KAZN: variants seen among roughly 807,000 people sequenced by gnomAD.
KAZN encodes the protein kazrin, periplakin interacting protein, also known as kazrin.
Under a neutral mutation model 87.4 loss-of-function variants are expected in KAZN, and 40 were observed. The observed-to-expected ratio is 0.46, with a 90% CI of 0.36 to 0.60. The LOEUF (loss-of-function observed/expected upper bound fraction) is 0.60. KAZN is among the 20% of genes least tolerant of loss of function. The pLI is 0.00. For missense variants in KAZN, 898 were observed against 1,073.9 expected (o/e 0.84, Z 2.29); for synonymous variants, 466 against 458.3 (o/e 1.02, Z -0.22).
At chr1:14,382,996 T>C (rs1488136149) in intron 2 of KAZN, among the ~76,000 whole-genome samples, 1 of 150,722 alleles carries the variant, frequency 6.6e-6, no homozygotes, top group Non-Finnish European at 1.5e-5. Context: ...TCCTGACTTT[T>C]TAATGATTGC....
chr1:13,893,898 C>T (rs1407710818), intron 1 of KAZN: 5 of 1,011,124 alleles, frequency 4.9e-6, no homozygotes, highest in Admixed American at 3.0e-5. Flanking sequence ...GGATGTAAGA[C>T]TTAACTAGCT....
chr1:14,456,756 TTA>T, intron 2 of KAZN, among the ~76,000 whole-genome samples: 1 of 152,274 alleles, frequency 6.6e-6, no homozygotes, highest in Non-Finnish European at 1.5e-5. Flanking sequence ...TTTCTTAAGG[TTA>T]TATGCCCACA....
chr1:14,122,659 G>C (rs1215229487), intron 1 of KAZN, among the ~76,000 whole-genome samples: 2 of 152,162 alleles, frequency 1.3e-5, no homozygotes, highest in Non-Finnish European at 2.9e-5. Flanking sequence ...TTATAAAGTA[G>C]CTAATTGCAC....
At chr1:14,391,031 G>A (rs1406817441) in intron 2 of KAZN, among the ~76,000 whole-genome samples, 1 of 152,240 alleles carries the variant, frequency 6.6e-6, no homozygotes, top group East Asian at 1.9e-4. Flanking sequence ...CAGCAGATGG[G>A]CAGGAACTGG....
chr1:13,922,210 A>G (rs537817935), intron 1 of KAZN, among the ~76,000 whole-genome samples: 1 of 152,172 alleles, frequency 6.6e-6, no homozygotes, highest in South Asian at 2.1e-4. Flanking sequence ...GGCTCTGTCT[A>G]TTCTTTACAG....
intron 2 of KAZN, among the ~76,000 whole-genome samples, chr1:14,972,689 A>G (rs1013312852): frequency 2.0e-5 from 3 of 151,748 alleles, no homozygotes; most frequent in African/African-American, 4.8e-5. Flanking sequence ...TAATTTTTGT[A>G]TTTTTAGTAG....
At chr1:14,825,315 T>C (rs1216351418) in intron 1 of KAZN, among the ~76,000 whole-genome samples, 1 of 152,208 alleles carries the variant, frequency 6.6e-6, no homozygotes, top group African/African-American at 2.4e-5. Context: ...CAGGCCAGCT[T>C]TTCTCATCTG....
chr1:14,032,893 G>A (rs1196752890), intron 1 of KAZN, among the ~76,000 whole-genome samples: 1 of 152,138 alleles, frequency 6.6e-6, no homozygotes. Flanking sequence ...CCTGATTGAG[G>A]CTGGAGAGGC....
At chr1:15,065,574 A>C in intron 7 of KAZN, 56 bp from the exon 8 acceptor site, 1 of 1,473,358 alleles carries the variant, frequency 6.8e-7, no homozygotes, top group Non-Finnish European at 9.3e-7. Context: ...CACCCCAGCT[A>C]AGCTTGGCTT....
chr1:14,937,599 TCTC>T (rs941354308), intron 1 of KAZN, among the ~76,000 whole-genome samples: 3 of 152,188 alleles, frequency 2.0e-5, no homozygotes, highest in African/African-American at 7.2e-5. Context: ...CTGAACACCT[TCTC>T]CTTCCCACCC....
intron 1 of KAZN, among the ~76,000 whole-genome samples, chr1:14,107,425 T>C (rs933739364): frequency 1.3e-5 from 2 of 152,132 alleles, no homozygotes; most frequent in African/African-American, 4.8e-5. Context: ...TCAAGATCCC[T>C]CTTTATTGCA....
intron 1 of KAZN, among the ~76,000 whole-genome samples, chr1:14,690,293 A>G (rs376106531): frequency 6.6e-6 from 1 of 152,218 alleles, no homozygotes; most frequent in Non-Finnish European, 1.5e-5. Flanking sequence ...GCAATCCCAC[A>G]TAACAGTGAA....
chr1:14,154,240 T>C lies in KAZN; in HGVS notation c.92-26195T>C, dbSNP rs187926384. On this transcript the variant is annotated intron_variant, in intron 1 of 16. Coordinates refer to the KAZN transcript ENST00000636203. ...ACTTTTTAAGTTAATTCCTAGGTATTTAATGTTCTTTGTTGCTATTATAAA... is the reference window on the plus strand; with the variant it reads ...ACTTTTTAAGTTAATTCCTAGGTATCTAATGTTCTTTGTTGCTATTATAAA... Among the ~76,000 whole-genome samples, 312 of 152,334 alleles carry C rather than the reference T, an allele frequency of 2.0e-3. 2 individuals are homozygous for C. Among genetic ancestry groups the C allele is most frequent in the African/African-American group, 7.0e-3 (292 of 41,590 alleles).
intron 2 of KAZN, among the ~76,000 whole-genome samples, chr1:15,014,358 G>C (rs981929345): frequency 6.6e-6 from 1 of 152,124 alleles, no homozygotes; most frequent in African/African-American, 2.4e-5. Flanking sequence ...ACCTTGCAGG[G>C]TGCTTCTAAG....
chr1:13,999,544 C>T (rs1340312392), intron 1 of KAZN, among the ~76,000 whole-genome samples: 1 of 152,102 alleles, frequency 6.6e-6, no homozygotes, highest in African/African-American at 2.4e-5. Flanking sequence ...ATCTCTGGGA[C>T]ACAGCTAAAG....
At chr1:13,901,738 T>A (rs1385513055) in intron 1 of KAZN, among the ~76,000 whole-genome samples, 1 of 152,254 alleles carries the variant, frequency 6.6e-6, no homozygotes, top group Admixed American at 6.5e-5. Context: ...TGCTCTTGTT[T>A]CAACCTTGTG....
chr1:14,842,755 A>G (rs1270752983), intron 1 of KAZN, among the ~76,000 whole-genome samples: 1 of 152,128 alleles, frequency 6.6e-6, no homozygotes. Flanking sequence ...TTATTTTTTA[A>G]TTTTTACTTT....
At chr1:13,945,704 T>TGAGA (rs1488989946) in intron 1 of KAZN, among the ~76,000 whole-genome samples, 1 of 139,686 alleles carries the variant, frequency 7.2e-6, no homozygotes, top group African/African-American at 2.7e-5. Context: ...TGTGTGTGTG[T>TGAGA]GTGTGTGAGA....
intron 1 of KAZN, among the ~76,000 whole-genome samples, chr1:14,051,658 G>A (rs1642334839): frequency 6.6e-6 from 1 of 152,000 alleles, no homozygotes; most frequent in East Asian, 1.9e-4. Context: ...TGGGCAACAT[G>A]GTGAAACCCT....
Sources: allele counts gnomAD v4.1 joint callset (sites outside exome capture counted in the v4.1 genomes callset), GRCh38; gene constraint gnomAD v4.1.1; transcripts MANE v1.5; gene names NCBI Gene and HGNC (gene_info 2026-07-23, HGNC 2026-07-21).